Variants in CCDC186 observed in about 807,000 individuals in gnomAD.
CCDC186 encodes coiled-coil domain-containing protein 186.
In CCDC186, 49 loss-of-function variants were observed where a neutral mutation model predicts 113.7. The ratio of observed to expected loss-of-function variants is 0.43; its 90% confidence interval spans 0.34 to 0.55. The LOEUF is 0.55. Ranked by LOEUF, CCDC186 falls within the 20% of genes least tolerant of loss-of-function variation. The pLI is 0.02. For missense variants in CCDC186, 890 were observed against 1,011.1 expected (o/e 0.88, Z 1.62); for synonymous variants, 355 against 345.8 (o/e 1.03, Z -0.30).
rs142704014 is a variant in CCDC186 at position 114,145,573 on chromosome 10, C to A, written c.1077G>T (p.Arg359=). ...CCTTAGTTTCATACAGCTGGTGCAA[C>A]CGTCCTTTCTCCTGAGAAAGCTGCT... ...KIKQLSQEKG[R]LHQLYETKEG... Residue 359 remains arginine, a synonymous_variant, in exon 5 of 16, where the codon CGG becomes CGT. Coordinates refer to ENST00000369287, the MANE Select transcript of CCDC186 (RefSeq NM_018017.4). 15 of 1,609,992 alleles carry A rather than the reference C, an allele frequency of 9.3e-6. No homozygotes were observed. In the African/African-American group the frequency reaches 2.0e-4, roughly 22 times the overall value.
At chr10:114,159,819 G>A (rs1056725604) in intron 2 of CCDC186, among the ~76,000 whole-genome samples, 1 of 151,986 alleles carries the variant, frequency 6.6e-6, no homozygotes, top group Non-Finnish European at 1.5e-5. Flanking sequence ...AGTATTAGCT[G>A]AGCCTAGTGG....
At chr10:114,163,459 C>A in intron 1 of CCDC186, 130 bp from the exon 2 acceptor site, 2 of 773,632 alleles carry the variant, frequency 2.6e-6, no homozygotes, top group East Asian at 2.9e-5. Context: ...AAAAGCCTGT[C>A]CTTGAGAAAA....
intron 9 of CCDC186, 115 bp from the exon 10 acceptor site, chr10:114,135,170 G>T: frequency 9.7e-7 from 1 of 1,031,224 alleles, no homozygotes; most frequent in Non-Finnish European, 1.3e-6. Context: ...TTAACGTGAA[G>T]AAAATATAAT....
chr10:114,136,323 T>C (rs2031260543), intron 7 of CCDC186, 77 bp from the exon 8 acceptor site: 1 of 945,570 alleles, frequency 1.1e-6, no homozygotes, highest in South Asian at 1.4e-5. Context: ...TCGTCTCTAA[T>C]CCTAATGTAG....
chr10:114,167,612 A>G (rs1202421967), intron 1 of CCDC186, among the ~76,000 whole-genome samples: 1 of 151,816 alleles, frequency 6.6e-6, no homozygotes, highest in Non-Finnish European at 1.5e-5. Flanking sequence ...TAGAATGGCA[A>G]GTAGTAGACT....
chr10:114,169,795 G>A (rs543258927), intron 1 of CCDC186, among the ~76,000 whole-genome samples: 3 of 152,094 alleles, frequency 2.0e-5, no homozygotes, highest in Admixed American at 6.5e-5. Flanking sequence ...AATCAAAAAC[G>A]CATCCACACA....
In CCDC186 at chr10:114,144,492, C is replaced by T. The variant is rs200555312; in HGVS notation, c.1221+5G>A. 110 of 1,611,944 alleles carry T rather than the reference C, an allele frequency of 6.8e-5. No homozygotes were observed. The highest frequency in any genetic ancestry group is 5.3e-5 in the African/African-American group (4 of 74,780). On this transcript the variant is annotated splice_donor_5th_base_variant and intron_variant, in intron 6 of 15. Transcript: ENST00000369287. Reference sequence around the variant, plus strand: ...ATCATTATTCCATTGTATTACAGTACGTACCTTGTGTGAATCCATTTCAGC... The same window carrying T: ...ATCATTATTCCATTGTATTACAGTATGTACCTTGTGTGAATCCATTTCAGC...
chr10:114,146,795 A>C (rs1014346758), intron 4 of CCDC186, among the ~76,000 whole-genome samples: 3 of 152,244 alleles, frequency 2.0e-5, no homozygotes, highest in African/African-American at 7.2e-5. Context: ...ACTGAATTGA[A>C]GAAGGTAACT....
chr10:114,128,681 T>C (rs2030989879), intron 13 of CCDC186, among the ~76,000 whole-genome samples: 1 of 152,236 alleles, frequency 6.6e-6, no homozygotes. Flanking sequence ...AGCATGGTTC[T>C]TGGCATTCCA....
intron 13 of CCDC186, among the ~76,000 whole-genome samples, 190 bp downstream of exon 13, chr10:114,129,701 T>C (rs2031026047): frequency 6.6e-6 from 1 of 152,092 alleles, no homozygotes. Context: ...AGCTGATTTT[T>C]GTATTTTTAG....
Position 114,137,276 on chromosome 10 carries a change from T to C in CCDC186, c.1236A>G (p.Lys412=). 2 of 1,613,324 alleles carry C rather than the reference T, an allele frequency of 1.2e-6. No homozygotes were observed. The highest frequency in any genetic ancestry group is 2.2e-5 in the South Asian group (2 of 91,070). Residue 412 remains lysine (K), a synonymous_variant, in exon 7 of 16, where the codon AAA becomes AAG. Transcript: ENST00000369287. The part of the protein sequence containing the change: ...EMDSHKETKD[K]LKETTTKLTQ... ...TTAATTTTGTTGTTGTTTCTTTGAG[T>C]TTATCTTTGGTTTCCTGCATTGACA... is the stretch of plus-strand genomic sequence containing the variant.
chr10:114,150,881 C>T (rs1224863619), intron 4 of CCDC186, among the ~76,000 whole-genome samples: 1 of 152,128 alleles, frequency 6.6e-6, no homozygotes, highest in Non-Finnish European at 1.5e-5. Context: ...AAACTCCTGA[C>T]CTCAGGCAAT....
At chr10:114,139,452 A>T (rs2031390416) in intron 6 of CCDC186, among the ~76,000 whole-genome samples, 1 of 151,918 alleles carries the variant, frequency 6.6e-6, no homozygotes, top group African/African-American at 2.4e-5. Flanking sequence ...AATCCCAGCT[A>T]CTCAGGAGGC....
At chr10:114,159,471 C>T (rs1385060414) in intron 2 of CCDC186, among the ~76,000 whole-genome samples, 8 of 151,674 alleles carry the variant, frequency 5.3e-5, no homozygotes, top group African/African-American at 1.7e-4. Flanking sequence ...GGTGAAACCC[C>T]GTCTCTACTA....
chr10:114,160,958 C>T (rs748624801), intron 2 of CCDC186, among the ~76,000 whole-genome samples: 7 of 152,194 alleles, frequency 4.6e-5, no homozygotes, highest in Non-Finnish European at 8.8e-5. Context: ...AGTATTGTCA[C>T]TCTAAGGTGA....
intron 3 of CCDC186, among the ~76,000 whole-genome samples, chr10:114,153,392 A>T (rs911995091): frequency 6.6e-6 from 1 of 152,242 alleles, no homozygotes; most frequent in African/African-American, 2.4e-5. Context: ...AAAGTACTAG[A>T]TGACTAATAA....
At chr10:114,128,566 T>C (rs1337617435) in intron 13 of CCDC186, among the ~76,000 whole-genome samples, 1 of 152,176 alleles carries the variant, frequency 6.6e-6, no homozygotes, top group East Asian at 1.9e-4. Context: ...TTTGGGTGAA[T>C]CATGCAGCCT....
intron 4 of CCDC186, among the ~76,000 whole-genome samples, chr10:114,147,485 G>A (rs1375347205): frequency 6.6e-6 from 1 of 152,168 alleles, no homozygotes; most frequent in Non-Finnish European, 1.5e-5. Context: ...TGAATATCAT[G>A]TGCAAACACC....
At chr10:114,145,505 A>G (rs1444797680) in intron 5 of CCDC186, 44 bp downstream of exon 5, 1 of 1,461,992 alleles carries the variant, frequency 6.8e-7, no homozygotes, top group Non-Finnish European at 9.2e-7. Flanking sequence ...AAAGAGAACA[A>G]ATTTCAAATA....
Sources: allele counts gnomAD v4.1 joint callset (sites outside exome capture counted in the v4.1 genomes callset), GRCh38; gene constraint gnomAD v4.1.1; transcripts MANE v1.5; gene names NCBI Gene and HGNC (gene_info 2026-07-23, HGNC 2026-07-21).